Variants in SV2B observed in about 807,000 individuals in gnomAD.
SV2B encodes solute carrier family 22 member B2.
A neutral mutation model predicts 73.9 loss-of-function variants in SV2B; 41 were observed. That is an observed-to-expected ratio of 0.56 (90% CI 0.43 to 0.72). The LOEUF is 0.72. Ranked by LOEUF, SV2B falls within the 30% of genes least tolerant of loss-of-function variation. The probability of loss-of-function intolerance (pLI) is 0.00; values close to 1 mark genes in which losing one functional copy is unlikely to be tolerated. For missense variants in SV2B, 764 were observed against 857.8 expected, an observed-to-expected ratio of 0.89 and a Z score of 1.37; for synonymous variants, 314 against 314.2, an observed-to-expected ratio of 1.00 and a Z score of 0.01.
At chr15:91,209,708 C>G (rs2045785477) in intron 1 of SV2B, among the ~76,000 whole-genome samples, 1 of 152,156 alleles carries the variant, frequency 6.6e-6, no homozygotes, top group South Asian at 2.1e-4. Flanking sequence ...TGACGTTGGG[C>G]AAATCTCTTG....
chr15:91,129,810 C>T lies in SV2B; in HGVS notation c.-392+29447C>T, dbSNP rs2042588889. Among the ~76,000 whole-genome samples the T allele has an allele frequency of 6.6e-6, 1 of 152,184 alleles. No individual in the cohort carries two copies. The highest frequency in any genetic ancestry group is 6.5e-5 in the Admixed American group (1 of 15,280). Reference sequence around the variant, plus strand: ...GCCCTGCCACTTACTAACTGTGTGACCGTAAGTATGGTTTTCCTCAGCCTG... The same window carrying T: ...GCCCTGCCACTTACTAACTGTGTGATCGTAAGTATGGTTTTCCTCAGCCTG... On this transcript the variant is annotated intron_variant, in intron 1 of 12. Transcript: ENST00000394232. This position sits in a 1 kb window ranked among gnomAD's most constrained non-coding sequence, Gnocchi z 5.1.
intron 1 of SV2B, among the ~76,000 whole-genome samples, chr15:91,181,391 G>A (rs1392510615): frequency 1.3e-5 from 2 of 152,060 alleles, no homozygotes; most frequent in African/African-American, 4.8e-5. Flanking sequence ...CAGATCTCCA[G>A]CTGCGTGCTG....
intron 1 of SV2B, among the ~76,000 whole-genome samples, chr15:91,133,896 A>G (rs1027296846): frequency 6.6e-6 from 1 of 152,132 alleles, no homozygotes; most frequent in Non-Finnish European, 1.5e-5. Context: ...GAGCTCGGAA[A>G]CGTCCACATG....
intron 1 of SV2B, among the ~76,000 whole-genome samples, chr15:91,148,404 G>T (rs2043210970): frequency 1.3e-5 from 2 of 152,130 alleles, no homozygotes; most frequent in Non-Finnish European, 2.9e-5. Context: ...CCAACATTGG[G>T]TTTCCAGCCT....
intron 11 of SV2B, among the ~76,000 whole-genome samples, chr15:91,285,050 A>G (rs2048813526): frequency 6.6e-6 from 1 of 152,202 alleles, no homozygotes; most frequent in Admixed American, 6.5e-5. Context: ...GTTGACGTTG[A>G]TTAGGAAAGT....
At chr15:91,178,304 T>C (rs2044405155) in intron 1 of SV2B, among the ~76,000 whole-genome samples, 1 of 150,980 alleles carries the variant, frequency 6.6e-6, no homozygotes, top group African/African-American at 2.5e-5. Flanking sequence ...CAGTATTTTA[T>C]TGAGGATTTT....
chr15:91,156,277 A>G (rs771257315), intron 1 of SV2B, among the ~76,000 whole-genome samples: 11 of 152,188 alleles, frequency 7.2e-5, no homozygotes, highest in Non-Finnish European at 1.3e-4. Context: ...TTCCTTCCCT[A>G]GAGTGGGACA....
chr15:91,185,107 T>C (rs541553793), intron 1 of SV2B, among the ~76,000 whole-genome samples: 2 of 152,354 alleles, frequency 1.3e-5, no homozygotes, highest in Admixed American at 1.3e-4. Flanking sequence ...AGTCTTGTTT[T>C]GTTGCTCAGG....
chr15:91,167,810 A>G (rs1422776552), intron 1 of SV2B, among the ~76,000 whole-genome samples: 1 of 152,212 alleles, frequency 6.6e-6, no homozygotes, highest in African/African-American at 2.4e-5. Context: ...GATTTTGATT[A>G]TTATGTTACA....
rs1596722047 is a variant in SV2B, at chr15:91,261,135, T to C, written c.1008+726T>C. ...AAAATCAGCTGGGCATGGTGGCGGG[T>C]ACCTAAAATCCCAGCTACTCAGGAG... is the stretch of plus-strand genomic sequence containing the variant. On this transcript the variant is annotated intron_variant, in intron 6 of 12. Transcript: ENST00000394232. The surrounding 1 kb of genome is among the most constrained non-coding windows in gnomAD (Gnocchi z 4.7). Among the ~76,000 whole-genome samples, 1 of 151,982 alleles carries C rather than the reference T, an allele frequency of 6.6e-6. No homozygotes were observed. Among genetic ancestry groups the C allele is most frequent in the Non-Finnish European group, 1.5e-5 (1 of 67,998 alleles).
At chr15:91,228,638 C>A (rs939194980) in intron 2 of SV2B, among the ~76,000 whole-genome samples, 2 of 152,190 alleles carry the variant, frequency 1.3e-5, no homozygotes, top group African/African-American at 4.8e-5. Flanking sequence ...CTTGCTGGCT[C>A]CTAGGGCAAA....
chr15:91,238,902 G>A (rs2046895766), intron 2 of SV2B, among the ~76,000 whole-genome samples: 1 of 152,072 alleles, frequency 6.6e-6, no homozygotes, highest in Admixed American at 6.5e-5. Context: ...GAACACTCGG[G>A]TCCTCGGTGG....
At chr15:91,230,644 C>T (rs1392951696) in intron 2 of SV2B, among the ~76,000 whole-genome samples, 5 of 152,192 alleles carry the variant, frequency 3.3e-5, no homozygotes, top group African/African-American at 7.2e-5. Flanking sequence ...GAGTTGGTCT[C>T]CTTCAACTCT....
rs2049129938 is a variant in SV2B at position 91,293,844 on chromosome 15, G to A, written c.*1292G>A. The A allele has an allele frequency of 1.3e-5, 2 of 152,212 alleles. No individual in the cohort carries two copies. Among genetic ancestry groups the A allele is most frequent in the Admixed American group, 6.5e-5 (1 of 15,278 alleles). The allele number at this position is 152,212 out of a possible 1,614,324, so 9.4% of individuals were successfully genotyped here. ...AGGGAGTGTAGTGGATGCCAAATAT[G>A]TTTTTCTTCAGTGCTTAAGAGAACT... On this transcript the variant is annotated 3_prime_UTR_variant, in exon 13 of 13. Transcript: ENST00000394232.
At position 91,123,575 on chromosome 15, in the gene SV2B, C is replaced by G. The variant is rs2042397406; in HGVS notation, c.-392+23212C>G. ...GGTTCCATTCATGCAGTAAAAACTC[C>G]AAAAGTGGTCCCTGTGCATACTGTG... On this transcript the variant is annotated intron_variant, in intron 1 of 12. Coordinates refer to ENST00000394232, the MANE Select transcript of SV2B (RefSeq NM_001323032.3). This position sits in a 1 kb window ranked among gnomAD's most constrained non-coding sequence, Gnocchi z 4.7. 1.3e-5 allele frequency among the ~76,000 whole-genome samples: 2 copies of G among 152,032 alleles called. No homozygotes were observed. Among genetic ancestry groups the G allele is most frequent in the African/African-American group, 4.8e-5 (2 of 41,404 alleles).
chr15:91,171,410 G>A (rs2044117171), intron 1 of SV2B, among the ~76,000 whole-genome samples: 1 of 152,194 alleles, frequency 6.6e-6, no homozygotes, highest in Non-Finnish European at 1.5e-5. Flanking sequence ...TTGATATTGT[G>A]AGTTGGTGGC....
rs78980049 is a variant in SV2B at position 91,301,603 on chromosome 15, A to G, written c.*9051A>G. On this transcript the variant is annotated 3_prime_UTR_variant, in exon 13 of 13. Transcript: ENST00000394232. This position sits in a 1 kb window ranked among gnomAD's most constrained non-coding sequence, Gnocchi z 4.3. ...TAACCTTCATAATAACCTAATGAGT[A>G]AGTGTTATTTTCTTCCCTTTAGAAG... Among the ~76,000 whole-genome samples the G allele has an allele frequency of 0.022, 3,411 of 152,140 alleles. 107 individuals carry two copies. Among genetic ancestry groups the G allele is most frequent in the African/African-American group, 0.073 (3,036 of 41,554 alleles).
At chr15:91,211,880 A>C (rs1446304637) in intron 1 of SV2B, among the ~76,000 whole-genome samples, 1 of 143,140 alleles carries the variant, frequency 7.0e-6, no homozygotes, top group Non-Finnish European at 1.5e-5. Flanking sequence ...GCCTCTAGAG[A>C]TCCTCCCGCA....
intron 1 of SV2B, among the ~76,000 whole-genome samples, chr15:91,108,820 G>A (rs957303178): frequency 6.6e-6 from 1 of 152,118 alleles, no homozygotes; most frequent in Non-Finnish European, 1.5e-5. Context: ...TACAGGTAAC[G>A]CAACAGTGTC....
Sources: gnomAD v4.1 joint callset for allele counts (sites outside exome capture counted in the v4.1 genomes callset) on GRCh38, gnomAD v4.1.1 for gene constraint, Gnocchi (gnomAD v3.1) non-coding constraint, MANE v1.5 for transcripts, NCBI Gene and HGNC (gene_info 2026-07-23, HGNC 2026-07-21) for gene names.